The following OR4C3 variants were observed in gnomAD, a reference collection of about 807,000 sequenced individuals.
OR4C3 encodes the protein olfactory receptor family 4 subfamily C member 3.
For missense variants in OR4C3, 439 were observed against 360.7 expected (o/e 1.22, Z -1.76); for synonymous variants, 186 against 140.1 (o/e 1.33, Z -2.31).
At position 48,324,931 on chromosome 11, in the gene OR4C3, T is replaced by G. The variant is rs569359425; in HGVS notation, c.-91T>G. ...ATATATTAAAGGAAAACTTGCAATG[T>G]TTTTCCCCCATGCAATTAGTTCTAT... On this transcript the variant is annotated 5_prime_UTR_variant, in exon 1 of 1. Transcript: ENST00000319856. The G allele has an allele frequency of 5.8e-6, 9 of 1,562,744 alleles. No individual in the cohort carries two copies. In the Admixed American group the frequency reaches 7.6e-5, roughly 13 times the overall value.
In OR4C3 at chr11:48,325,876, T is replaced by C. The variant is rs1384099287; in HGVS notation, c.855T>C (p.Tyr285=). The C allele has an allele frequency of 2.6e-6, 4 of 1,534,538 alleles. No homozygotes were observed. Among genetic ancestry groups the C allele is most frequent in the Non-Finnish European group, 3.5e-6 (4 of 1,144,230 alleles). Residue 285 remains tyrosine, a synonymous_variant, in exon 1 of 1, where the codon TAT becomes TAC. Coordinates refer to ENST00000319856, the MANE Select transcript of OR4C3 (RefSeq NM_001004702.2). ...ILTPMLNPLI[Y]TLRNEEVKNA... is the part of the protein sequence containing the mutation. ...CACCTATGTTGAATCCACTCATTTA[T>C]ACCCTGAGAAATGAAGAGGTAAAAA...
rs79891698 is a variant in OR4C3 at position 48,325,590 on chromosome 11, C to T, written c.569C>T (p.Thr190Met). ...YPLLEVACTN[T>M]YVIGLLVVAN... ...TTGCTGGAAGTTGCCTGCACCAATA[C>T]GTATGTCATTGGTCTGCTGGTGGTT... The change falls in exon 1 of 1, where the codon ACG becomes ATG. Residue 190 changes from threonine to methionine, a missense_variant. Thr to Met is a moderately conservative substitution (Grantham distance 81). Transcript: ENST00000319856. 4.5e-5 allele frequency: 72 copies of T among 1,613,812 alleles called. No individual in the cohort carries two copies. Among genetic ancestry groups the T allele is most frequent in the South Asian group, 1.5e-4 (14 of 91,066 alleles).
At position 48,325,418 on chromosome 11, in the gene OR4C3, A is replaced by G. The variant is rs746167238; in HGVS notation, c.397A>G (p.Ile133Val). The G allele has an allele frequency of 8.1e-6, 13 of 1,613,844 alleles. No homozygotes were observed. Among genetic ancestry groups the G allele is most frequent in the East Asian group, 2.2e-5 (1 of 44,890 alleles). Residue 133 changes from isoleucine to valine, a missense_variant, in exon 1 of 1, where the codon ATC (isoleucine) becomes GTC (valine). Physicochemically the swap from Ile to Val is conservative, Grantham distance 29 (BLOSUM62 3). Coordinates refer to ENST00000319856, the MANE Select transcript of OR4C3 (RefSeq NM_001004702.2). ...AICKPLHNTTIMTRHLCAMLV... is the reference protein window; with the variant it reads ...AICKPLHNTTVMTRHLCAMLV... ...CTGTAAGCCCCTGCACAATACTACC[A>G]TCATGACCAGGCATCTCTGTGCCAT...
Position 48,325,819 on chromosome 11 carries a change from C to A in OR4C3, c.798C>A (p.Asp266Glu), listed in dbSNP as rs1852212399. Residue 266 changes from aspartate to glutamate, a missense_variant, in exon 1 of 1, where the codon GAC (aspartate) becomes GAA (glutamate). Coordinates refer to ENST00000319856, the MANE Select transcript of OR4C3 (RefSeq NM_001004702.2). The stretch of plus-strand genomic sequence containing the variant: ...ATCCATTTTCTACTTTACCTATAGA[C>A]AAAAATATGGCATTATTTTATGGTA... Reference protein sequence around the residue: ...YVHPFSTLPIDKNMALFYGIL... With the variant: ...YVHPFSTLPIEKNMALFYGIL... The A allele has an allele frequency of 1.9e-6, 3 of 1,606,924 alleles. No homozygotes were observed. Among genetic ancestry groups the A allele is most frequent in the South Asian group, 1.1e-5 (1 of 89,508 alleles).
In OR4C3 at chr11:48,325,397, A is replaced by G; in HGVS notation, c.376A>G (p.Lys126Glu). 1 of 1,614,004 alleles carries G rather than the reference A, an allele frequency of 6.2e-7. No individual in the cohort carries two copies. Among genetic ancestry groups the G allele is most frequent in the South Asian group, 1.1e-5 (1 of 91,052 alleles). The part of the protein sequence containing the change: ...MAYDRYVAIC[K>E]PLHNTTIMTR... ...TTATGACCGCTATGTGGCCATCTGT[A>G]AGCCCCTGCACAATACTACCATCAT... The change falls in exon 1 of 1, where the codon AAG becomes GAG. Residue 126 changes from lysine to glutamate, a missense_variant. Coordinates refer to ENST00000319856, the MANE Select transcript of OR4C3 (RefSeq NM_001004702.2).
Position 48,325,178 on chromosome 11 carries a change from C to T in OR4C3, c.157C>T (p.Leu53=). 1 of 1,614,218 alleles carries T rather than the reference C, an allele frequency of 6.2e-7. No individual in the cohort carries two copies. The change falls in exon 1 of 1, where the codon CTG becomes TTG. Residue 53 remains leucine, a synonymous_variant. Transcript: ENST00000319856. ...GGTCACTATCACCTCCAGCCCCACGCTGGCTTCCCCTGTGTATTTTTTCCT... is the reference window on the plus strand; with the variant it reads ...GGTCACTATCACCTCCAGCCCCACGTTGGCTTCCCCTGTGTATTTTTTCCT... ...IVVTITSSPT[L]ASPVYFFLAN...
chr11:48,325,025 G>T lies in OR4C3; in HGVS notation c.4G>T (p.Asp2Tyr). 6.2e-7 allele frequency: 1 copy of T among 1,613,998 alleles called. No homozygotes were observed. Among genetic ancestry groups the T allele is most frequent in the Admixed American group, 1.7e-5 (1 of 60,010 alleles). Residue 2 changes from aspartate (D) to tyrosine (Y), a missense_variant, in exon 1 of 1, where the codon GAC becomes TAC. By Grantham distance (160) the Asp-to-Tyr change is radical. Transcript: ENST00000319856. M[D>Y]IPQNITEFFM... Reference sequence around the variant, plus strand: ...ATTCTCAGTGACCTTGGAATCTATGGACATACCACAAAATATCACAGAATT... The same window carrying T: ...ATTCTCAGTGACCTTGGAATCTATGTACATACCACAAAATATCACAGAATT...
In OR4C3 at chr11:48,324,959, C is replaced by A; in HGVS notation, c.-63C>A. ...TTCCCCCATGCAATTAGTTCTATTA[C>A]TTATGTTTCTCCTTGTCTTTATAGG... On this transcript the variant is annotated 5_prime_UTR_variant, in exon 1 of 1. Transcript: ENST00000319856. 3 of 1,601,020 alleles carry A rather than the reference C, an allele frequency of 1.9e-6. No homozygotes were observed. Among genetic ancestry groups the A allele is most frequent in the Non-Finnish European group, 2.6e-6 (3 of 1,174,682 alleles).
rs1278176304 is a variant in OR4C3 at position 48,325,440 on chromosome 11, C to T, written c.419C>T (p.Ala140Val). 11 of 1,613,566 alleles carry T rather than the reference C, an allele frequency of 6.8e-6. No homozygotes were observed. Among genetic ancestry groups the T allele is most frequent in the Non-Finnish European group, 9.3e-6 (11 of 1,179,752 alleles). ...ACCATCATGACCAGGCATCTCTGTGCCATGCTTGTAGGGGTGGCTTGGCTT... is the reference window on the plus strand; with the variant it reads ...ACCATCATGACCAGGCATCTCTGTGTCATGCTTGTAGGGGTGGCTTGGCTT... The part of the protein sequence containing the change: ...NTTIMTRHLC[A>V]MLVGVAWLGG... Residue 140 changes from alanine to valine, a missense_variant, in exon 1 of 1, where the codon GCC (alanine) becomes GTC (valine). By Grantham distance (64) the Ala-to-Val change is moderately conservative. Coordinates refer to ENST00000319856, the MANE Select transcript of OR4C3 (RefSeq NM_001004702.2).
In OR4C3 at chr11:48,324,990, C is replaced by A. The variant is rs1455612166; in HGVS notation, c.-32C>A. On this transcript the variant is annotated 5_prime_UTR_variant, in exon 1 of 1. It adds an upstream start codon to the 5' untranslated region. Coordinates refer to ENST00000319856, the MANE Select transcript of OR4C3 (RefSeq NM_001004702.2). ...TTTCTCCTTGTCTTTATAGGCAATA[C>A]TGCACCTGCATTCTCAGTGACCTTG... The A allele has an allele frequency of 1.2e-6, 2 of 1,612,494 alleles. No homozygotes were observed. Among genetic ancestry groups the A allele is most frequent in the Non-Finnish European group, 1.7e-6 (2 of 1,179,090 alleles).
chr11:48,325,441 C>A lies in OR4C3; in HGVS notation c.420C>A (p.Ala140=), dbSNP rs772471214. The A allele has an allele frequency of 6.2e-7, 1 of 1,613,684 alleles. No individual in the cohort carries two copies. The highest frequency in any genetic ancestry group is 8.5e-7 in the Non-Finnish European group (1 of 1,179,806). Residue 140 remains alanine (A), a synonymous_variant, in exon 1 of 1, where the codon GCC becomes GCA. Coordinates refer to ENST00000319856, the MANE Select transcript of OR4C3 (RefSeq NM_001004702.2). ...CCATCATGACCAGGCATCTCTGTGC[C>A]ATGCTTGTAGGGGTGGCTTGGCTTG... ...NTTIMTRHLC[A]MLVGVAWLGG...
chr11:48,325,470 G>C lies in OR4C3; in HGVS notation c.449G>C (p.Gly150Ala), dbSNP rs775908790. ...CTTGTAGGGGTGGCTTGGCTTGGGG[G>C]CTTCCTGCATTCATTGGTTCAGCTC... ...AMLVGVAWLG[G>A]FLHSLVQLLL... is the part of the protein sequence containing the mutation. Residue 150 changes from glycine to alanine, a missense_variant, in exon 1 of 1, where the codon GGC becomes GCC. Gly to Ala is a moderately conservative substitution (Grantham distance 60). Coordinates refer to ENST00000319856, the MANE Select transcript of OR4C3 (RefSeq NM_001004702.2). 6.2e-7 allele frequency: 1 copy of C among 1,613,690 alleles called. No homozygotes were observed. The highest frequency in any genetic ancestry group is 2.2e-5 in the East Asian group (1 of 44,874).
Position 48,325,493 on chromosome 11 carries a change from C to G in OR4C3, c.472C>G (p.Leu158Val). 6.2e-7 allele frequency: 1 copy of G among 1,613,742 alleles called. No individual in the cohort carries two copies. The highest frequency in any genetic ancestry group is 2.2e-5 in the East Asian group (1 of 44,876). The change falls in exon 1 of 1, where the codon CTC becomes GTC. Residue 158 changes from leucine to valine, a missense_variant. Coordinates refer to ENST00000319856, the MANE Select transcript of OR4C3 (RefSeq NM_001004702.2). ...LGGFLHSLVQ[L>V]LLVLWLPFCG... is the part of the protein sequence containing the mutation. ...GGGCTTCCTGCATTCATTGGTTCAG[C>G]TCCTCCTGGTCCTTTGGTTGCCCTT...
chr11:48,325,794 A>G lies in OR4C3; in HGVS notation c.773A>G (p.His258Arg). 6.2e-7 allele frequency: 1 copy of G among 1,611,588 alleles called. No homozygotes were observed. The highest frequency in any genetic ancestry group is 8.5e-7 in the Non-Finnish European group (1 of 1,179,078). The change falls in exon 1 of 1, where the codon CAT becomes CGT. Residue 258 changes from histidine (H) to arginine (R), a missense_variant. Coordinates refer to ENST00000319856, the MANE Select transcript of OR4C3 (RefSeq NM_001004702.2). ...GTGCCCTGTATATTTACTTATGTGC[A>G]TCCATTTTCTACTTTACCTATAGAC... ...FFVPCIFTYV[H>R]PFSTLPIDKN...
rs148098974 is a variant in OR4C3 at position 48,325,120 on chromosome 11, T to C, written c.99T>C (p.Tyr33=). 1.8e-5 allele frequency: 29 copies of C among 1,614,112 alleles called. No homozygotes were observed. The African/African-American group carries it at 3.5e-4, about 19-fold the overall frequency. The change falls in exon 1 of 1, where the codon TAT becomes TAC. Residue 33 remains tyrosine (Y), a synonymous_variant. Coordinates refer to ENST00000319856, the MANE Select transcript of OR4C3 (RefSeq NM_001004702.2). ...TCTTTGTGGTCTTTTTGCTGATCTA[T>C]GTGGTCACGGTTTGTGGCAACATGC... The part of the protein sequence containing the change: ...RVLFVVFLLI[Y]VVTVCGNMLI...
chr11:48,325,365 T>C lies in OR4C3; in HGVS notation c.344T>C (p.Val115Ala), dbSNP rs1852202304. ...GGTGTTGAGATCATTCTGCTCACAG[T>C]GATGGCTTATGACCGCTATGTGGCC... The part of the protein sequence containing the change: ...LGGVEIILLT[V>A]MAYDRYVAIC... Residue 115 changes from valine (V) to alanine (A), a missense_variant, in exon 1 of 1, where the codon GTG becomes GCG. Coordinates refer to ENST00000319856, the MANE Select transcript of OR4C3 (RefSeq NM_001004702.2). 1 of 1,614,040 alleles carries C rather than the reference T, an allele frequency of 6.2e-7. No individual in the cohort carries two copies. The highest frequency in any genetic ancestry group is 1.3e-5 in the African/African-American group (1 of 74,914).
Position 48,325,547 on chromosome 11 carries a change from G to T in OR4C3, c.526G>T (p.Ala176Ser), listed in dbSNP as rs1852206417. 6.2e-7 allele frequency: 1 copy of T among 1,613,822 alleles called. No individual in the cohort carries two copies. The highest frequency in any genetic ancestry group is 1.7e-5 in the Admixed American group (1 of 60,006). The part of the protein sequence containing the change: ...FCGPNVINHF[A>S]CDLYPLLEVA... ...TGGGCCCAATGTGATCAATCACTTT[G>T]CCTGTGACTTGTACCCTTTGCTGGA... The change falls in exon 1 of 1, where the codon GCC (alanine) becomes TCC (serine). Residue 176 changes from alanine (A) to serine (S), a missense_variant. Ala to Ser is a moderately conservative substitution (Grantham distance 99). Coordinates refer to ENST00000319856, the MANE Select transcript of OR4C3 (RefSeq NM_001004702.2).
Position 48,325,325 on chromosome 11 carries a change from G to A in OR4C3, c.304G>A (p.Ala102Thr), listed in dbSNP as rs372471257. 6.2e-7 allele frequency: 1 copy of A among 1,614,156 alleles called. No individual in the cohort carries two copies. The highest frequency in any genetic ancestry group is 8.5e-7 in the Non-Finnish European group (1 of 1,180,032). The change falls in exon 1 of 1, where the codon GCT becomes ACT. Residue 102 changes from alanine (A) to threonine (T), a missense_variant. Coordinates refer to ENST00000319856, the MANE Select transcript of OR4C3 (RefSeq NM_001004702.2). ...YECCMAQLFG[A>T]HFLGGVEIIL... ...GTGCTGCATGGCTCAGCTCTTTGGA[G>A]CTCATTTTTTGGGAGGTGTTGAGAT...
Position 48,324,995 on chromosome 11 carries a change from C to A in OR4C3, c.-27C>A, listed in dbSNP as rs79042268. The stretch of plus-strand genomic sequence containing the variant: ...CCTTGTCTTTATAGGCAATACTGCA[C>A]CTGCATTCTCAGTGACCTTGGAATC... On this transcript the variant is annotated 5_prime_UTR_variant, in exon 1 of 1. Coordinates refer to ENST00000319856, the MANE Select transcript of OR4C3 (RefSeq NM_001004702.2). 1.2e-6 allele frequency: 2 copies of A among 1,612,752 alleles called. No homozygotes were observed. The highest frequency in any genetic ancestry group is 1.7e-6 in the Non-Finnish European group (2 of 1,179,116).
Sources: allele counts gnomAD v4.1 joint callset, GRCh38; gene constraint gnomAD v4.1.1; transcripts MANE v1.5; gene names NCBI Gene and HGNC (gene_info 2026-07-23, HGNC 2026-07-21).